Variants in WDFY4 observed in about 807,000 individuals in gnomAD.
WDFY4 encodes the protein WDFY family member 4, also known as WD repeat- and FYVE domain-containing protein 4.
Under a neutral mutation model 351.9 loss-of-function variants are expected in WDFY4, and 169 were observed. That is an observed-to-expected ratio of 0.48 (90% CI 0.42 to 0.55). WDFY4 has a LOEUF of 0.55. Ranked by LOEUF, WDFY4 falls within the 20% of genes least tolerant of loss-of-function variation. The pLI, the probability that WDFY4 is intolerant of heterozygous loss-of-function variation, is 0.00. For missense variants in WDFY4, 3,803 were observed against 3,935.6 expected (o/e 0.97, Z 0.90); for synonymous variants, 1,622 against 1,574.6 (o/e 1.03, Z -0.71).
chr10:48,825,406 G>A (rs1281443148), intron 35 of WDFY4, among the ~76,000 whole-genome samples: 1 of 152,116 alleles, frequency 6.6e-6, no homozygotes, highest in Admixed American at 6.5e-5. Context: ...TGTGAATAGT[G>A]CTGCAATGAA....
Position 48,788,617 on chromosome 10 carries a change from G to C in WDFY4, c.3896G>C (p.Ser1299Thr). Residue 1299 changes from serine (S) to threonine (T), a missense_variant, in exon 21 of 62, where the codon AGT becomes ACT. By Grantham distance (58) the Ser-to-Thr change is moderately conservative. Around this residue, in one of 3 missense-constraint regions of WDFY4, gnomAD observed 3,054 missense variants for 3,148.6 expected, o/e 0.97. Transcript: ENST00000325239. ...GLHIASSSITSVADIRNAYNE... is the reference protein window; with the variant it reads ...GLHIASSSITTVADIRNAYNE... ...CACATAGCCAGCTCCTCTATCACCA[G>C]TGTAGCGGACATCAGAAATGCTTAC... is the stretch of plus-strand genomic sequence containing the variant. 1 of 1,551,786 alleles carries C rather than the reference G, an allele frequency of 6.4e-7. No homozygotes were observed.
chr10:48,725,744 G>C, intron 5 of WDFY4, 137 bp from the exon 6 acceptor site: 1 of 948,816 alleles, frequency 1.1e-6, no homozygotes, highest in Non-Finnish European at 1.5e-6. Context: ...GTCTGGGACA[G>C]AGGGTGACCC....
At chr10:48,746,769 A>G (rs117727653) in intron 12 of WDFY4, among the ~76,000 whole-genome samples, 1 of 152,194 alleles carries the variant, frequency 6.6e-6, no homozygotes, top group African/African-American at 2.4e-5. Flanking sequence ...GTTTTTAGTT[A>G]AACAGTATCT....
At chr10:48,923,207 T>A (rs1839251501) in intron 47 of WDFY4, among the ~76,000 whole-genome samples, 1 of 152,070 alleles carries the variant, frequency 6.6e-6, no homozygotes, top group South Asian at 2.1e-4. Context: ...ATAGGTAGCA[T>A]CTGGGCACCA....
At chr10:48,885,911 T>G (rs2070438290) in intron 43 of WDFY4, among the ~76,000 whole-genome samples, 1 of 152,206 alleles carries the variant, frequency 6.6e-6, no homozygotes, top group African/African-American at 2.4e-5. Flanking sequence ...TTTTGCCTCT[T>G]TGATACTTGA....
At chr10:48,795,966 A>G (rs1189913867) in intron 23 of WDFY4, among the ~76,000 whole-genome samples, 1 of 152,136 alleles carries the variant, frequency 6.6e-6, no homozygotes, top group African/African-American at 2.4e-5. Context: ...CTTCCCATAA[A>G]TGCAGCATTT....
At chr10:48,800,722 CATTCTTTCTTT>C (rs1565213932) in intron 24 of WDFY4, among the ~76,000 whole-genome samples, 1 of 111,688 alleles carries the variant, frequency 9.0e-6, no homozygotes, top group Admixed American at 8.8e-5. Context: ...TTCTTTCTTT[CATTCTTTCTTT>C]TTTTTTTTTT....
chr10:48,729,313 C>T (rs1343856881), intron 7 of WDFY4, 119 bp from the exon 8 acceptor site: 3 of 1,432,928 alleles, frequency 2.1e-6, no homozygotes, highest in Non-Finnish European at 2.8e-6. Flanking sequence ...AGGTGCAGAC[C>T]TGTGGGGTCT....
At chr10:48,714,282 TC>T (rs1360887426) in intron 2 of WDFY4, among the ~76,000 whole-genome samples, 25 of 152,312 alleles carry the variant, frequency 1.6e-4, no homozygotes, top group African/African-American at 6.0e-4. Context: ...ATTTCATGAC[TC>T]ACTGGACAAT....
At chr10:48,810,174 T>A (rs1482378630) in intron 28 of WDFY4, among the ~76,000 whole-genome samples, 1 of 152,218 alleles carries the variant, frequency 6.6e-6, no homozygotes, top group Non-Finnish European at 1.5e-5. Flanking sequence ...GTGACTACAT[T>A]GATGGTAATT....
intron 23 of WDFY4, among the ~76,000 whole-genome samples, chr10:48,795,536 C>CATAT (rs1167613621): frequency 1.6e-4 from 11 of 67,418 alleles, no homozygotes; most frequent in African/African-American, 5.9e-4. Context: ...TATATATATA[C>CATAT]ACACACATGA....
chr10:48,761,589 A>G (rs1023029217), intron 13 of WDFY4, among the ~76,000 whole-genome samples: 26 of 152,224 alleles, frequency 1.7e-4, no homozygotes, highest in Non-Finnish European at 3.5e-4. Context: ...GCGACTCTCA[A>G]GTGTCTGTCC....
At chr10:48,744,024 G>T (rs1490661368) in intron 12 of WDFY4, among the ~76,000 whole-genome samples, 1 of 152,194 alleles carries the variant, frequency 6.6e-6, no homozygotes, top group African/African-American at 2.4e-5. Context: ...CTTTCTTGCT[G>T]CTTCTACACC....
chr10:48,766,854 G>A (rs891033465), intron 13 of WDFY4, among the ~76,000 whole-genome samples: 7 of 152,148 alleles, frequency 4.6e-5, no homozygotes, highest in African/African-American at 9.7e-5. Context: ...TCAACATCTC[G>A]GGTCCAGAGA....
intron 5 of WDFY4, among the ~76,000 whole-genome samples, chr10:48,724,852 T>C (rs1293856702): frequency 4.6e-5 from 7 of 152,198 alleles, no homozygotes; most frequent in Non-Finnish European, 2.9e-5. Flanking sequence ...CTTTTCTCTG[T>C]TGCCCAGGCT....
chr10:48,745,812 G>T (rs753789573), intron 12 of WDFY4: 9 of 365,624 alleles, frequency 2.5e-5, no homozygotes, highest in Non-Finnish European at 4.1e-5. Context: ...GCTGTAGGGC[G>T]GTGGGATTCC....
Position 48,901,801 on chromosome 10 carries a change from C to T in WDFY4, c.7524C>T (p.Ser2508=), listed in dbSNP as rs1437652795. 13 of 1,551,560 alleles carry T rather than the reference C, an allele frequency of 8.4e-6. No individual in the cohort carries two copies. The highest frequency in any genetic ancestry group is 1.1e-5 in the Non-Finnish European group (13 of 1,146,876). ...YNNDRSKAFK[S]FCSFQPSLKG... is the part of the protein sequence containing the mutation. ...AATTATCCCTTCCCTTTTCATGTAG[C>T]TTCTGCTCTTTCCAACCCAGCCTGA... The change falls in exon 47 of 62, where the codon AGC becomes AGT. Residue 2508 remains serine (S), a splice_region_variant and synonymous_variant. Coordinates refer to ENST00000325239, the MANE Select transcript of WDFY4 (RefSeq NM_001394531.1).
At chr10:48,833,172 T>TGTGTGA (rs372781295) in intron 39 of WDFY4, among the ~76,000 whole-genome samples, 26 of 135,902 alleles carry the variant, frequency 1.9e-4, no homozygotes, top group African/African-American at 6.6e-4. Flanking sequence ...TGTGTGTGTG[T>TGTGTGA]GAGAGAGAGA....
Position 48,959,710 on chromosome 10 carries a change from C to T in WDFY4, c.8132-12C>T. ...AGTTACCCAAATCTCTGCTGCTTCTCATCCCATGCAGGCTGCATGCAGGAC... is the reference window on the plus strand; with the variant it reads ...AGTTACCCAAATCTCTGCTGCTTCTTATCCCATGCAGGCTGCATGCAGGAC... On this transcript the variant is annotated splice_polypyrimidine_tract_variant and intron_variant, in intron 52 of 61. Coordinates refer to ENST00000325239, the MANE Select transcript of WDFY4 (RefSeq NM_001394531.1). 1 of 1,551,254 alleles carries T rather than the reference C, an allele frequency of 6.4e-7. No homozygotes were observed. The highest frequency in any genetic ancestry group is 8.7e-7 in the Non-Finnish European group (1 of 1,146,658).
Sources: allele counts gnomAD v4.1 joint callset (sites outside exome capture counted in the v4.1 genomes callset), GRCh38; gene constraint gnomAD v4.1.1; regional missense constraint gnomAD v4.1.1; transcripts MANE v1.5; gene names NCBI Gene and HGNC (gene_info 2026-07-23, HGNC 2026-07-21).